The following TLL1 variants were observed in gnomAD, a reference collection of about 807,000 sequenced individuals.
The protein encoded by TLL1 is tolloid like 1, also known as tolloid-like protein 1.
TLL1 carries 49 observed loss-of-function variants against 128.2 expected under a neutral mutation model. The ratio of observed to expected loss-of-function variants is 0.38; its 90% confidence interval spans 0.30 to 0.48. The LOEUF is 0.48. Among genes scored for constraint, TLL1 ranks in the 20% least tolerant of loss-of-function variants. The probability of loss-of-function intolerance (pLI) is 0.96; values close to 1 mark genes in which losing one functional copy is unlikely to be tolerated. For missense variants in TLL1, 1,123 were observed against 1,242.0 expected (o/e 0.90, Z 1.44); for synonymous variants, 454 against 418.8 (o/e 1.08, Z -1.03).
chr4:165,985,054 A>G (rs532085795), intron 1 of TLL1, among the ~76,000 whole-genome samples: 1 of 152,152 alleles, frequency 6.6e-6, no homozygotes, highest in African/African-American at 2.4e-5. Flanking sequence ...CAAAATGTGT[A>G]TATTGAAGAC....
intron 14 of TLL1, 55 bp from the exon 15 acceptor site, chr4:166,059,973 A>C: frequency 6.2e-7 from 1 of 1,603,268 alleles, no homozygotes; most frequent in Non-Finnish European, 8.5e-7. Flanking sequence ...GACAGGTGCT[A>C]AGAAGTGGGT....
At chr4:166,069,628 T>C (rs1740719796) in intron 16 of TLL1, among the ~76,000 whole-genome samples, 1 of 151,754 alleles carries the variant, frequency 6.6e-6, no homozygotes, top group Non-Finnish European at 1.5e-5. Flanking sequence ...TAAGAGATTT[T>C]AGCTATCCTT....
At chr4:166,029,091 TTTC>T (rs1313108587) in intron 9 of TLL1, among the ~76,000 whole-genome samples, 1 of 151,850 alleles carries the variant, frequency 6.6e-6, no homozygotes, top group Non-Finnish European at 1.5e-5. Context: ...TGTGTTTTTA[TTTC>T]TTATTTGCAT....
chr4:166,006,280 T>C (rs1243549322), intron 6 of TLL1, among the ~76,000 whole-genome samples: 1 of 152,022 alleles, frequency 6.6e-6, no homozygotes, highest in East Asian at 1.9e-4. Flanking sequence ...TAGTGCTATG[T>C]ATTCTGCTTC....
intron 1 of TLL1, among the ~76,000 whole-genome samples, chr4:165,885,356 A>C (rs565074648): frequency 1.6e-4 from 24 of 152,154 alleles, no homozygotes; most frequent in Admixed American, 7.2e-4. Flanking sequence ...AAGAAGTTGC[A>C]GTGCCAGGGG....
At chr4:166,048,377 T>C (rs1018982592) in intron 12 of TLL1, among the ~76,000 whole-genome samples, 2 of 152,188 alleles carry the variant, frequency 1.3e-5, no homozygotes, top group African/African-American at 4.8e-5. Context: ...TTGAAAACTA[T>C]GGAAATAAAT....
chr4:165,891,540 G>A (rs1561009595), intron 1 of TLL1, among the ~76,000 whole-genome samples: 1 of 152,018 alleles, frequency 6.6e-6, no homozygotes. Context: ...TTTCTCTGAG[G>A]TTCAAAGTTC....
At chr4:165,880,157 T>C (rs1217770592) in intron 1 of TLL1, among the ~76,000 whole-genome samples, 2 of 152,240 alleles carry the variant, frequency 1.3e-5, no homozygotes, top group Non-Finnish European at 2.9e-5. Flanking sequence ...CCCTTGCTTA[T>C]TTATTTCATT....
Position 166,087,664 on chromosome 4 carries a change from T to C in TLL1, c.2443-3464T>C, listed in dbSNP as rs145755745. ...ATTTTACTATCTTGTCCTTTGTGAA[T>C]ATATGCAGTTACTCTGTAAGGCCTC... On this transcript the variant is annotated intron_variant, in intron 18 of 20. Coordinates refer to ENST00000061240, the MANE Select transcript of TLL1 (RefSeq NM_012464.5). Among the ~76,000 whole-genome samples, 445 of 152,286 alleles carry C rather than the reference T, an allele frequency of 2.9e-3. 2 individuals are homozygous for C. The highest frequency in any genetic ancestry group is 0.01 in the African/African-American group (425 of 41,578).
chr4:166,099,549 T>C, intron 20 of TLL1, 22 bp downstream of exon 20: 1 of 1,610,534 alleles, frequency 6.2e-7, no homozygotes, highest in South Asian at 1.1e-5. Context: ...ACCAACAGAA[T>C]ACCCTAGACA....
intron 11 of TLL1, 80 bp downstream of exon 11, chr4:166,042,223 C>A: frequency 2.2e-6 from 2 of 893,392 alleles, no homozygotes; most frequent in Non-Finnish European, 3.7e-6. Context: ...ATTACAATGA[C>A]ATTGTGACCA....
At chr4:165,931,515 G>A (rs544083208) in intron 1 of TLL1, among the ~76,000 whole-genome samples, 49 of 146,988 alleles carry the variant, frequency 3.3e-4, no homozygotes, top group Non-Finnish European at 6.1e-4. Context: ...TCAGGAGATT[G>A]AGACCTCCTG....
chr4:166,090,604 C>A lies in TLL1; in HGVS notation c.2443-524C>A, dbSNP rs530213683. Among the ~76,000 whole-genome samples, 173 of 152,094 alleles carry A rather than the reference C, an allele frequency of 1.1e-3. 1 individual carries two copies. The highest frequency in any genetic ancestry group is 3.9e-3 in the African/African-American group (164 of 41,530). On this transcript the variant is annotated intron_variant, in intron 18 of 20. Transcript: ENST00000061240. Reference sequence around the variant, plus strand: ...TTGCTAATGATATGGTTTGTAAGAGCTAAATAAACAAATATATAGTGAAAA... The same window carrying A: ...TTGCTAATGATATGGTTTGTAAGAGATAAATAAACAAATATATAGTGAAAA...
chr4:165,886,125 G>GA (rs1351310538), intron 1 of TLL1, among the ~76,000 whole-genome samples: 3 of 152,060 alleles, frequency 2.0e-5, no homozygotes, highest in Non-Finnish European at 4.4e-5. Flanking sequence ...TAGTAAGAAG[G>GA]AAGTCCAGTA....
At chr4:165,983,693 C>T (rs947207281) in intron 1 of TLL1, among the ~76,000 whole-genome samples, 2 of 151,650 alleles carry the variant, frequency 1.3e-5, no homozygotes, top group Non-Finnish European at 1.5e-5. Flanking sequence ...AGTTCTATGC[C>T]CTTTGAAGGA....
intron 1 of TLL1, among the ~76,000 whole-genome samples, chr4:165,946,573 C>T (rs770657537): frequency 3.3e-5 from 5 of 149,442 alleles, no homozygotes; most frequent in African/African-American, 5.0e-5. Flanking sequence ...CTCCTGAGCT[C>T]AAGCAATCAG....
chr4:165,968,986 G>A (rs1735517716), intron 1 of TLL1, among the ~76,000 whole-genome samples: 1 of 152,102 alleles, frequency 6.6e-6, no homozygotes, highest in Non-Finnish European at 1.5e-5. Flanking sequence ...GTTTTGAGCT[G>A]GGAAAAATTG....
At chr4:165,945,121 T>G (rs149287920) in intron 1 of TLL1, among the ~76,000 whole-genome samples, 1 of 152,222 alleles carries the variant, frequency 6.6e-6, no homozygotes, top group Non-Finnish European at 1.5e-5. Flanking sequence ...GAGGAATAGC[T>G]GATGATATAG....
At chr4:166,020,156 G>A (rs1738153541) in intron 8 of TLL1, among the ~76,000 whole-genome samples, 2 of 152,120 alleles carry the variant, frequency 1.3e-5, no homozygotes, top group South Asian at 2.1e-4. Context: ...ACAAGCAGGT[G>A]GGAAAGGAAT....
Sources: gnomAD v4.1 joint callset for allele counts (sites outside exome capture counted in the v4.1 genomes callset) on GRCh38, gnomAD v4.1.1 for gene constraint, MANE v1.5 for transcripts, NCBI Gene and HGNC (gene_info 2026-07-23, HGNC 2026-07-21) for gene names.